Variants in AMACR observed in about 807,000 individuals in gnomAD.
The protein encoded by AMACR is 2-methylacyl-CoA racemase.
In AMACR, 18 loss-of-function variants were observed where a neutral mutation model predicts 22.2. The ratio of observed to expected loss-of-function variants is 0.81; its 90% CI spans 0.56 to 1.20. The LOEUF is 1.20. Ranked by LOEUF, AMACR falls within the 50% of genes most tolerant of loss-of-function variation. The pLI is 0.00. For missense variants in AMACR, 499 were observed against 490.6 expected, an observed-to-expected ratio of 1.02 and a Z score of -0.16; for synonymous variants, 213 against 191.3, an observed-to-expected ratio of 1.11 and a Z score of -0.94.
Position 33,989,098 on chromosome 5 carries a change from G to C in AMACR, c.1144C>G (p.Leu382Val). The C allele has an allele frequency of 6.2e-7, 1 of 1,614,094 alleles. No homozygotes were observed. The highest frequency in any genetic ancestry group is 8.5e-7 in the Non-Finnish European group (1 of 1,180,014). ...TTGAGCCGTGGGCCTGGAAGTTAGA[G>C]ACTAGCTTTTACCTTATTACTTTCA... The part of the protein sequence containing the change: ...IIESNKVKAS[L>V] The change falls in exon 5 of 5, where the codon CTC becomes GTC. Residue 382 changes from leucine (L) to valine (V), a missense_variant. Physicochemically the swap from Leu to Val is conservative, Grantham distance 32. Transcript: ENST00000335606.
intron 3 of AMACR, among the ~76,000 whole-genome samples, chr5:34,000,640 G>T (rs1250954850): frequency 2.6e-5 from 4 of 152,032 alleles, no homozygotes; most frequent in Admixed American, 2.6e-4. Flanking sequence ...GGGATTACAG[G>T]TGCCTACCAC....
rs1255966044 is a variant in AMACR at position 34,007,789 on chromosome 5, C to T, written c.231G>A (p.Leu77=). The T allele has an allele frequency of 6.4e-7, 1 of 1,566,732 alleles. No individual in the cohort carries two copies. ...CGGGCTCACCGCGGCGGAAGGGCTCCAGCAGCACATCCGACCGCTTGCACA... is the reference window on the plus strand; with the variant it reads ...CGGGCTCACCGCGGCGGAAGGGCTCTAGCAGCACATCCGACCGCTTGCACA... The part of the protein sequence containing the change: ...RRLCKRSDVL[L]EPFRRGVMEK... Residue 77 remains leucine, a synonymous_variant, in exon 1 of 5, where the codon CTG becomes CTA. Coordinates refer to ENST00000335606, the MANE Select transcript of AMACR (RefSeq NM_014324.6).
In AMACR at chr5:34,004,705, C is replaced by T. The variant is rs2112070061; in HGVS notation, c.421G>A (p.Glu141Lys). The change falls in exon 3 of 5, where the codon GAG becomes AAG. Residue 141 changes from glutamate (E) to lysine (K), a missense_variant. Transcript: ENST00000335606. ...AGATTCAGCGGGGCATACGGATTCT[C>T]ACCACTTCTGCCAATTTTTGAGAGA... ...GVLSKIGRSGENPYAPLNLLA... is the reference protein window; with the variant it reads ...GVLSKIGRSGKNPYAPLNLLA... 1 of 1,614,234 alleles carries T rather than the reference C, an allele frequency of 6.2e-7. No individual in the cohort carries two copies.
chr5:33,997,213 G>A (rs1360218247), intron 4 of AMACR: 5 of 764,290 alleles, frequency 6.5e-6, no homozygotes, highest in Non-Finnish European at 1.2e-5. Context: ...GCTGTCACCA[G>A]CATTAGCGAC....
chr5:34,004,902 G>A (rs1425224747), intron 2 of AMACR, among the ~76,000 whole-genome samples, 168 bp from the exon 3 acceptor site: 1 of 152,110 alleles, frequency 6.6e-6, no homozygotes, highest in Non-Finnish European at 1.5e-5. Flanking sequence ...CTCATAAACA[G>A]GCTTTCCCTC....
At chr5:34,007,725 C>T in intron 1 of AMACR, 48 bp downstream of exon 1, 1 of 1,507,504 alleles carries the variant, frequency 6.6e-7, no homozygotes, top group Non-Finnish European at 8.8e-7. Context: ...CCAGGCCCCT[C>T]CCCTCCGCGG....
In AMACR at chr5:33,988,063, T is replaced by C; in HGVS notation, c.*1030A>G. The stretch of plus-strand genomic sequence containing the variant: ...GTTGAGATACTGCGCAGAATGGACC[T>C]TATTGATGGCCTACCCAACATCCAT... On this transcript the variant is annotated 3_prime_UTR_variant, in exon 5 of 5. Transcript: ENST00000335606. 1 of 377,916 alleles carries C rather than the reference T, an allele frequency of 2.6e-6. No individual in the cohort carries two copies. The highest frequency in any genetic ancestry group is 4.8e-6 in the Non-Finnish European group (1 of 209,264). 23.4% of individuals were successfully genotyped at this position (377,916 alleles called of 1,614,324 possible).
chr5:33,989,145 T>G lies in AMACR; in HGVS notation c.1097A>C (p.Gln366Pro), dbSNP rs773780297. ...EFGFSREEIY[Q>P]LNSDKIIESN... ...TTCAATGATTTTATCTGAGTTAAGC[T>G]GATAAATCTCTTCGCGGCTGAATCC... is the stretch of plus-strand genomic sequence containing the variant. Residue 366 changes from glutamine (Q) to proline (P), a missense_variant, in exon 5 of 5, where the codon CAG (glutamine) becomes CCG (proline). Physicochemically the swap from Gln to Pro is moderately conservative, Grantham distance 76 (BLOSUM62 -1). Coordinates refer to ENST00000335606, the MANE Select transcript of AMACR (RefSeq NM_014324.6). 1 of 1,614,198 alleles carries G rather than the reference T, an allele frequency of 6.2e-7. No individual in the cohort carries two copies. The highest frequency in any genetic ancestry group is 8.5e-7 in the Non-Finnish European group (1 of 1,179,994).
At chr5:34,003,112 C>T (rs1435265828) in intron 3 of AMACR, among the ~76,000 whole-genome samples, 2 of 152,222 alleles carry the variant, frequency 1.3e-5, no homozygotes, top group South Asian at 4.1e-4. Context: ...CATGACAACA[C>T]TCCATTCTGC....
At chr5:34,000,103 A>C (rs936053198) in intron 3 of AMACR, among the ~76,000 whole-genome samples, 3 of 152,222 alleles carry the variant, frequency 2.0e-5, no homozygotes, top group Non-Finnish European at 2.9e-5. Context: ...CCAATTTTGC[A>C]TAAATATTAC....
chr5:33,988,909 C>A lies in AMACR; in HGVS notation c.*184G>T. On this transcript the variant is annotated 3_prime_UTR_variant, in exon 5 of 5. Coordinates refer to ENST00000335606, the MANE Select transcript of AMACR (RefSeq NM_014324.6). ...TACCCAAAGTTTTATAAATCAAAAG[C>A]CCTAATGATAACCATTTTTAGAATT... The A allele has an allele frequency of 7.0e-7, 1 of 1,427,138 alleles. No individual in the cohort carries two copies. The highest frequency in any genetic ancestry group is 1.5e-5 in the South Asian group (1 of 64,578). The allele number at this position is 1,427,138 out of a possible 1,614,324, so 88.4% of individuals were successfully genotyped here. A position where few individuals can be genotyped will look rare whatever the true frequency, so the allele number is the denominator to read the frequency against.
At chr5:33,990,035 G>C (rs1753427463) in intron 4 of AMACR, among the ~76,000 whole-genome samples, 1 of 152,112 alleles carries the variant, frequency 6.6e-6, no homozygotes, top group South Asian at 2.1e-4. Flanking sequence ...GGCCAGGAGT[G>C]ATGGCACGAG....
intron 4 of AMACR, chr5:33,997,229 C>T (rs746685884): frequency 1.2e-5 from 9 of 767,534 alleles, no homozygotes; most frequent in Non-Finnish European, 2.2e-5. Context: ...GCGACTAATT[C>T]ATTAGCTTCT....
chr5:33,992,517 G>A (rs1753514096), intron 4 of AMACR, among the ~76,000 whole-genome samples: 1 of 151,916 alleles, frequency 6.6e-6, no homozygotes, highest in South Asian at 2.1e-4. Context: ...AGACCAACCT[G>A]GGCAACTTAG....
At chr5:33,992,082 T>C (rs908491776) in intron 4 of AMACR, among the ~76,000 whole-genome samples, 1 of 152,072 alleles carries the variant, frequency 6.6e-6, no homozygotes, top group South Asian at 2.1e-4. Flanking sequence ...GGTTTCACTA[T>C]GTTGGCCGGG....
rs1475398459 is a variant in AMACR at position 33,987,456 on chromosome 5, C to CA, written c.*1636dup. ...CACCCAGGGCATTAGAGTGACCTCA[C>CA]AAGAGTATCTCAGAATATTTAAAAA... On this transcript the variant is annotated 3_prime_UTR_variant, in exon 5 of 5. Coordinates refer to ENST00000335606, the MANE Select transcript of AMACR (RefSeq NM_014324.6). The CA allele has an allele frequency of 3.3e-5, 5 of 152,246 alleles. No individual in the cohort carries two copies. The highest frequency in any genetic ancestry group is 9.6e-5 in the African/African-American group (4 of 41,472). 9.4% of individuals were successfully genotyped at this position (152,246 alleles called of 1,614,324 possible).
rs185441763 is a variant in AMACR at position 33,988,903 on chromosome 5, C to A, written c.*190G>T. 8 of 1,411,524 alleles carry A rather than the reference C, an allele frequency of 5.7e-6. No individual in the cohort carries two copies. The Admixed American group carries it at 2.5e-4, about 44-fold the overall frequency. 87.4% of individuals were successfully genotyped at this position (1,411,524 alleles called of 1,614,324 possible). A position where few individuals can be genotyped will look rare whatever the true frequency, so the allele number is the denominator to read the frequency against. On this transcript the variant is annotated 3_prime_UTR_variant, in exon 5 of 5. Coordinates refer to ENST00000335606, the MANE Select transcript of AMACR (RefSeq NM_014324.6). Reference sequence around the variant, plus strand: ...TATAAGTACCCAAAGTTTTATAAATCAAAAGCCCTAATGATAACCATTTTT... The same window carrying A: ...TATAAGTACCCAAAGTTTTATAAATAAAAAGCCCTAATGATAACCATTTTT...
intron 4 of AMACR, among the ~76,000 whole-genome samples, chr5:33,990,634 T>G (rs1753445588): frequency 1.3e-5 from 2 of 152,356 alleles, no homozygotes; most frequent in South Asian, 4.1e-4. Flanking sequence ...GGCCCTTTCT[T>G]TATGCATCAC....
At position 34,007,756 on chromosome 5, in the gene AMACR, G is replaced by A; in HGVS notation, c.247+17C>T. 6.5e-7 allele frequency: 1 copy of A among 1,537,542 alleles called. No homozygotes were observed. Among genetic ancestry groups the A allele is most frequent in the Admixed American group, 2.0e-5 (1 of 51,160 alleles). ...CGCGGGAACTTCCCGAGAGCAGCCC[G>A]CGGGGCCCGGGCTCACCGCGGCGGA... On this transcript the variant is annotated intron_variant, in intron 1 of 4. Coordinates refer to ENST00000335606, the MANE Select transcript of AMACR (RefSeq NM_014324.6).
Sources: allele counts gnomAD v4.1 joint callset (sites outside exome capture counted in the v4.1 genomes callset), GRCh38; gene constraint gnomAD v4.1.1; transcripts MANE v1.5; gene names NCBI Gene and HGNC (gene_info 2026-07-23, HGNC 2026-07-21).